Variants in HNRNPD observed in about 807,000 individuals in gnomAD.
The protein encoded by HNRNPD is heterogeneous nuclear ribonucleoprotein D0.
Under a neutral mutation model 47.9 loss-of-function variants are expected in HNRNPD, and 3 were observed. The ratio of observed to expected loss-of-function variants is 0.06; its 90% CI spans 0.03 to 0.16. The LOEUF (loss-of-function observed/expected upper bound fraction) is 0.16. Among genes scored for constraint, HNRNPD ranks in the 10% least tolerant of loss-of-function variants. The probability of loss-of-function intolerance (pLI) is 1.00; values close to 1 mark genes in which losing one functional copy is unlikely to be tolerated. For synonymous variants in HNRNPD, 171 were observed against 165.1 expected, an observed-to-expected ratio of 1.04 and a Z score of -0.28; for missense variants, 287 against 454.2, an observed-to-expected ratio of 0.63 and a Z score of 3.35.
intron 7 of HNRNPD, chr4:82,355,757 A>G (rs1723688579): frequency 7.8e-6 from 2 of 257,108 alleles, no homozygotes; most frequent in South Asian, 6.6e-5. Flanking sequence ...ATCAGTGCTT[A>G]GTATCTCTGC....
At chr4:82,358,564 C>T in intron 4 of HNRNPD, 95 bp downstream of exon 4, 2 of 1,064,354 alleles carry the variant, frequency 1.9e-6, no homozygotes, top group Non-Finnish European at 2.8e-6. Context: ...TCTACCCTAA[C>T]AGCTTTGAAA....
chr4:82,364,308 A>G (rs1018374621), intron 2 of HNRNPD, among the ~76,000 whole-genome samples: 1 of 152,226 alleles, frequency 6.6e-6, no homozygotes, highest in African/African-American at 2.4e-5. Flanking sequence ...AAAAAATATT[A>G]AAGTCCAAGA....
rs572316780 is a variant in HNRNPD at position 82,373,352 on chromosome 4, G to C, written c.233+94C>G. 81 of 1,472,830 alleles carry C rather than the reference G, an allele frequency of 5.5e-5. 1 individual carries two copies. The South Asian group carries it at 1.0e-3, about 19-fold the overall frequency. The allele number at this position is 1,472,830 out of a possible 1,614,324, so 91.2% of individuals were successfully genotyped here. On this transcript the variant is annotated intron_variant, in intron 1 of 8. Coordinates refer to ENST00000313899, the MANE Select transcript of HNRNPD (RefSeq NM_031370.3). ...GAGGCTGCATGGGGGCCCGGAGAAC[G>C]GGCTGAGAGCGGGAACCAGGCCTAA...
At chr4:82,373,221 A>C in intron 1 of HNRNPD, 6 of 712,108 alleles carry the variant, frequency 8.4e-6, no homozygotes, top group East Asian at 2.9e-5. Context: ...GGTGACGGCT[A>C]AAGGTGGAAA....
rs1720269917 is a variant in HNRNPD at position 82,373,715 on chromosome 4, C to A, written c.-37G>T. 2.0e-6 allele frequency: 3 copies of A among 1,530,012 alleles called. No individual in the cohort carries two copies. Among genetic ancestry groups the A allele is most frequent in the South Asian group, 1.2e-5 (1 of 83,862 alleles). 94.8% of individuals were successfully genotyped at this position (1,530,012 alleles called of 1,614,324 possible). On this transcript the variant is annotated 5_prime_UTR_variant, in exon 1 of 9. Coordinates refer to ENST00000313899, the MANE Select transcript of HNRNPD (RefSeq NM_031370.3). ...CTCCGCCGCTGCCGCCGAGACTACA[C>A]CCGCCGCTGCCGCGAACCGAAACTA...
At chr4:82,371,428 A>C in intron 2 of HNRNPD, 100 bp downstream of exon 2, 1 of 903,448 alleles carries the variant, frequency 1.1e-6, no homozygotes, top group Non-Finnish European at 1.7e-6. Context: ...TATGGTCTAG[A>C]ATTTCCTGGG....
intron 2 of HNRNPD, among the ~76,000 whole-genome samples, chr4:82,364,135 C>G (rs1719627097): frequency 1.3e-5 from 2 of 152,054 alleles, no homozygotes; most frequent in Non-Finnish European, 2.9e-5. Flanking sequence ...CACCAACACA[C>G]CCGGCTAATA....
rs1045669197 is a variant in HNRNPD at position 82,367,008 on chromosome 4, ACCC to A, written c.290+4517_290+4519del. Among the ~76,000 whole-genome samples, 7 of 107,858 alleles carry A rather than the reference ACCC, an allele frequency of 6.5e-5. No individual in the cohort carries two copies. In the South Asian group the frequency reaches 1.2e-3, roughly 19 times the overall value. The allele number at this position is 107,858 out of a possible 152,430, so 70.8% of individuals were successfully genotyped here. A position where few individuals can be genotyped will look rare whatever the true frequency, so the allele number is the denominator to read the frequency against. On this transcript the variant is annotated intron_variant, in intron 2 of 8. Coordinates refer to ENST00000313899, the MANE Select transcript of HNRNPD (RefSeq NM_031370.3). ...TAGATGTAACTACAACTACAAACAC[ACCC>A]CCCAACACACTAGCCTTTTTTTTTT...
chr4:82,355,559 A>G, intron 7 of HNRNPD, 158 bp from the exon 8 acceptor site: 1 of 616,658 alleles, frequency 1.6e-6, no homozygotes. Flanking sequence ...AATTTACCAA[A>G]TATGTAGTGA....
chr4:82,373,601 C>G lies in HNRNPD; in HGVS notation c.78G>C (p.Gln26His). Residue 26 changes from glutamine to histidine, a missense_variant, in exon 1 of 9, where the codon CAG becomes CAC. Gln to His is a conservative substitution (Grantham distance 24, BLOSUM62 0). Coordinates refer to ENST00000313899, the MANE Select transcript of HNRNPD (RefSeq NM_031370.3). Reference sequence around the variant, plus strand: ...GTGTCGCCGCCACCATGGCTCCCTCCTGCTCGCCCGCCGAGCCGCCTACCG... The same window carrying G: ...GTGTCGCCGCCACCATGGCTCCCTCGTGCTCGCCCGCCGAGCCGCCTACCG... ...TAAVGGSAGE[Q>H]EGAMVAATQG... The G allele has an allele frequency of 6.5e-7, 1 of 1,531,416 alleles. No individual in the cohort carries two copies. Among genetic ancestry groups the G allele is most frequent in the South Asian group, 1.2e-5 (1 of 83,562 alleles). 94.9% of individuals were successfully genotyped at this position (1,531,416 alleles called of 1,614,324 possible).
chr4:82,364,836 C>T lies in HNRNPD; in HGVS notation c.291-5197G>A, dbSNP rs894015746. Among the ~76,000 whole-genome samples, 16 of 152,212 alleles carry T rather than the reference C, an allele frequency of 1.1e-4. No individual in the cohort carries two copies. In the East Asian group the frequency reaches 1.3e-3, roughly 13 times the overall value. ...CAATCCTGGCTGGTGGAAAATGTTC[C>T]GATTTAATAATCCTGGCTTTTCCCC... On this transcript the variant is annotated intron_variant, in intron 2 of 8. Coordinates refer to ENST00000313899, the MANE Select transcript of HNRNPD (RefSeq NM_031370.3).
intron 6 of HNRNPD, 38 bp downstream of exon 6, chr4:82,356,757 GA>G (rs1387911737): frequency 2.5e-6 from 4 of 1,612,660 alleles, no homozygotes; most frequent in South Asian, 1.1e-5. Flanking sequence ...TTAAAAAGCA[GA>G]AAAGCTTAAG....
intron 1 of HNRNPD, chr4:82,373,193 C>G (rs773095467): frequency 1.5e-6 from 1 of 677,902 alleles, no homozygotes; most frequent in Admixed American, 2.1e-5. Flanking sequence ...GAAAGGAGGG[C>G]GGGCCGAGGA....
chr4:82,369,168 C>T (rs1247915060), intron 2 of HNRNPD, among the ~76,000 whole-genome samples: 1 of 152,142 alleles, frequency 6.6e-6, no homozygotes, highest in Non-Finnish European at 1.5e-5. Context: ...GTATATTTTG[C>T]CAGACACTAA....
rs1220067539 is a variant in HNRNPD at position 82,373,535 on chromosome 4, C to T, written c.144G>A (p.Gly48=). ...AAAAGSGAGT[G]GGTASGGTEG... ...CGGTGCCTCCAGACGCGGTTCCGCCCCCGGTCCCGGCTCCGCTTCCCGCCG... is the reference window on the plus strand; with the variant it reads ...CGGTGCCTCCAGACGCGGTTCCGCCTCCGGTCCCGGCTCCGCTTCCCGCCG... The change falls in exon 1 of 9, where the codon GGG becomes GGA. Residue 48 remains glycine, a synonymous_variant. Transcript: ENST00000313899. The T allele has an allele frequency of 6.5e-7, 1 of 1,541,344 alleles. No individual in the cohort carries two copies. The highest frequency in any genetic ancestry group is 1.2e-5 in the South Asian group (1 of 83,220).
Position 82,356,523 on chromosome 4 carries a change from A to G in HNRNPD, c.1000+14T>C. The G allele has an allele frequency of 6.4e-7, 1 of 1,567,424 alleles. No homozygotes were observed. The highest frequency in any genetic ancestry group is 8.7e-7 in the Non-Finnish European group (1 of 1,147,368). Reference sequence around the variant, plus strand: ...ATGTCAAATAGCAGTTAATATAAAAAGTATAGTACTTACTGCTATAATCAC... The same window carrying G: ...ATGTCAAATAGCAGTTAATATAAAAGGTATAGTACTTACTGCTATAATCAC... On this transcript the variant is annotated intron_variant, in intron 7 of 8. Coordinates refer to ENST00000313899, the MANE Select transcript of HNRNPD (RefSeq NM_031370.3).
At position 82,352,899 on chromosome 4, in the gene HNRNPD, C is replaced by A. The variant is rs1723557988; in HGVS notation, c.*1286G>T. On this transcript the variant is annotated 3_prime_UTR_variant, in exon 9 of 9. Coordinates refer to ENST00000313899, the MANE Select transcript of HNRNPD (RefSeq NM_031370.3). ...ACTCCACAAAAGTAAGAAAGGTATT[C>A]CATCACTTCACTACTATAGAACTGT... is the stretch of plus-strand genomic sequence containing the variant. 1.3e-5 allele frequency: 2 copies of A among 152,272 alleles called. No homozygotes were observed. Among genetic ancestry groups the A allele is most frequent in the South Asian group, 4.1e-4 (2 of 4,828 alleles). 9.4% of individuals were successfully genotyped at this position (152,272 alleles called of 1,614,324 possible).
At chr4:82,362,575 C>T (rs972064184) in intron 2 of HNRNPD, among the ~76,000 whole-genome samples, 1 of 151,940 alleles carries the variant, frequency 6.6e-6, no homozygotes, top group African/African-American at 2.4e-5. Flanking sequence ...CTAAATGGAA[C>T]ATATTAATTC....
chr4:82,359,341 T>G (rs1723868340), intron 3 of HNRNPD, 130 bp downstream of exon 3: 3 of 511,584 alleles, frequency 5.9e-6, no homozygotes, highest in African/African-American at 2.0e-5. Flanking sequence ...TAAAACGTAT[T>G]GGGGCAAGAA....
Sources: allele counts gnomAD v4.1 joint callset (sites outside exome capture counted in the v4.1 genomes callset), GRCh38; gene constraint gnomAD v4.1.1; transcripts MANE v1.5; gene names NCBI Gene and HGNC (gene_info 2026-07-23, HGNC 2026-07-21).